PLEKHH2: variants seen among roughly 807,000 people sequenced by gnomAD.
The protein encoded by PLEKHH2 is pleckstrin homology domain-containing family H member 2.
In PLEKHH2, 129 loss-of-function variants were observed where a neutral mutation model predicts 187.9. The observed-to-expected ratio is 0.69, with a 90% CI of 0.59 to 0.79. PLEKHH2 has a LOEUF of 0.79. PLEKHH2 is among the 30% of genes least tolerant of loss of function. The pLI is 0.00. For synonymous variants in PLEKHH2, 686 were observed against 605.6 expected (o/e 1.13, Z -1.95); for missense variants, 2,076 against 1,751.2 (o/e 1.19, Z -3.31).
intron 16 of PLEKHH2, 41 bp downstream of exon 16, chr2:43,720,790 T>G: frequency 1.3e-6 from 2 of 1,581,448 alleles, no homozygotes; most frequent in Non-Finnish European, 1.7e-6. Flanking sequence ...AGTAACTTTT[T>G]GTGTGTTAGG....
In PLEKHH2 at chr2:43,686,408, G is replaced by A. The variant is rs186707567; in HGVS notation, c.187-6106G>A. On this transcript the variant is annotated intron_variant, in intron 3 of 29. Transcript: ENST00000282406. ...GACGGTGTTTCATCATGTTGGTCAG[G>A]CTGGTCTCAAACTCCTGACCTCAGG... Among the ~76,000 whole-genome samples the A allele has an allele frequency of 1.7e-3, 266 of 152,308 alleles. 1 individual carries two copies. Among genetic ancestry groups the A allele is most frequent in the African/African-American group, 6.1e-3 (252 of 41,572 alleles).
chr2:43,707,627 A>T, intron 11 of PLEKHH2, 82 bp downstream of exon 11: 1 of 1,509,298 alleles, frequency 6.6e-7, no homozygotes, highest in Non-Finnish European at 9.0e-7. Context: ...TTACAGGATT[A>T]TTTTTTAAAT....
chr2:43,679,812 T>G (rs1274217373), intron 3 of PLEKHH2, among the ~76,000 whole-genome samples: 1 of 152,076 alleles, frequency 6.6e-6, no homozygotes. Context: ...ATACTTTGAG[T>G]TTTTTAATAT....
intron 2 of PLEKHH2, among the ~76,000 whole-genome samples, chr2:43,678,491 C>T (rs1009241277): frequency 6.6e-6 from 1 of 152,186 alleles, no homozygotes; most frequent in African/African-American, 2.4e-5. Flanking sequence ...GCAGATCACT[C>T]GCGGTTAGGA....
chr2:43,676,333 T>C (rs888660301), intron 2 of PLEKHH2: 5 of 1,587,026 alleles, frequency 3.2e-6, no homozygotes, highest in Non-Finnish European at 4.3e-6. Flanking sequence ...TTTCCAGGCG[T>C]TAGGACAGTG....
At chr2:43,751,821 C>T (rs1376877364) in intron 24 of PLEKHH2, among the ~76,000 whole-genome samples, 1 of 150,272 alleles carries the variant, frequency 6.7e-6, no homozygotes, top group Non-Finnish European at 1.5e-5. Context: ...ATTTTTGTTC[C>T]TCTTCAAATT....
chr2:43,739,644 T>A (rs1472766903), intron 20 of PLEKHH2, among the ~76,000 whole-genome samples: 1 of 152,250 alleles, frequency 6.6e-6, no homozygotes, highest in Non-Finnish European at 1.5e-5. Context: ...CAAGAGGGAA[T>A]CTGAAGCTTA....
intron 3 of PLEKHH2, among the ~76,000 whole-genome samples, chr2:43,684,821 A>AG (rs1457886141): frequency 1.5e-3 from 225 of 145,264 alleles, no homozygotes; most frequent in African/African-American, 5.5e-3. Context: ...CCCATTACCA[A>AG]AAAAAAAAAA....
chr2:43,718,871 G>A (rs1197890397), intron 15 of PLEKHH2, among the ~76,000 whole-genome samples: 2 of 152,066 alleles, frequency 1.3e-5, no homozygotes, highest in African/African-American at 2.4e-5. Flanking sequence ...GACATTTTTT[G>A]TTTTCTCTCA....
chr2:43,757,231 G>T lies in PLEKHH2; in HGVS notation c.3908G>T (p.Arg1303Met). The change falls in exon 26 of 30, where the codon AGG (arginine) becomes ATG (methionine). Residue 1303 changes from arginine to methionine, a missense_variant. Arg to Met is a moderately conservative substitution (Grantham distance 91). Coordinates refer to ENST00000282406, the MANE Select transcript of PLEKHH2 (RefSeq NM_172069.4). ...GTCATAGAGAAATTTTATCCTAAAA[G>T]GTATAGAGATGGCTGTTCTGAAGAG... ...KQVIEKFYPKRYRDGCSEEQL... is the reference protein window; with the variant it reads ...KQVIEKFYPKMYRDGCSEEQL... 1 of 1,595,038 alleles carries T rather than the reference G, an allele frequency of 6.3e-7. No individual in the cohort carries two copies. Among genetic ancestry groups the T allele is most frequent in the Non-Finnish European group, 8.5e-7 (1 of 1,172,500 alleles).
At chr2:43,731,720 A>G (rs1340264858) in intron 19 of PLEKHH2, 118 bp downstream of exon 19, 1 of 633,516 alleles carries the variant, frequency 1.6e-6, no homozygotes, top group African/African-American at 1.9e-5. Flanking sequence ...AAGAAAATTC[A>G]AAATGTGTTT....
intron 1 of PLEKHH2, among the ~76,000 whole-genome samples, chr2:43,639,349 C>T (rs906787829): frequency 6.6e-6 from 1 of 152,074 alleles, no homozygotes; most frequent in East Asian, 1.9e-4. Flanking sequence ...GGTTGTATAG[C>T]CATCACCAAT....
chr2:43,666,210 G>A (rs12990958), intron 2 of PLEKHH2, among the ~76,000 whole-genome samples: 4 of 150,164 alleles, frequency 2.7e-5, no homozygotes, highest in Admixed American at 6.6e-5. Context: ...GAAAAGCGCA[G>A]TATTCGGGTG....
chr2:43,740,810 A>G (rs921938163), intron 20 of PLEKHH2, 136 bp from the exon 21 acceptor site: 12 of 1,381,562 alleles, frequency 8.7e-6, no homozygotes, highest in Middle Eastern at 5.5e-4. Flanking sequence ...TAAATGCTGT[A>G]AACAGATCAT....
At chr2:43,689,020 A>G (rs1668664125) in intron 3 of PLEKHH2, among the ~76,000 whole-genome samples, 1 of 152,154 alleles carries the variant, frequency 6.6e-6, no homozygotes, top group African/African-American at 2.4e-5. Flanking sequence ...AAAAACAGGC[A>G]CTCACCATAA....
chr2:43,689,576 C>G (rs1036492714), intron 3 of PLEKHH2, among the ~76,000 whole-genome samples: 1 of 152,112 alleles, frequency 6.6e-6, no homozygotes, highest in South Asian at 2.1e-4. Context: ...TTCTGTAGAC[C>G]TCTTATTCAT....
chr2:43,681,278 C>T, intron 3 of PLEKHH2: 3 of 700,802 alleles, frequency 4.3e-6, no homozygotes, highest in Admixed American at 2.6e-5. Context: ...CAGGGTGATG[C>T]CATGCTGGCT....
chr2:43,733,236 G>A lies in PLEKHH2; in HGVS notation c.2943+1634G>A, dbSNP rs574479493. Among the ~76,000 whole-genome samples the A allele has an allele frequency of 1.3e-5, 2 of 151,890 alleles. 1 individual carries two copies. Among genetic ancestry groups the A allele is most frequent in the African/African-American group, 4.8e-5 (2 of 41,446 alleles). On this transcript the variant is annotated intron_variant, in intron 19 of 29. Transcript: ENST00000282406. The stretch of plus-strand genomic sequence containing the variant: ...AAATTAGCCGAGTGTGATGGCATGC[G>A]CCTATAGTCCCAGCTACTTGGGAGG...
At position 43,720,680 on chromosome 2, in the gene PLEKHH2, A is replaced by C; in HGVS notation, c.2472A>C (p.Gly824=). ...AAATATGGTTTCAGGTAAAACATGG[A>C]TATTCCAAGAGAGTCTGGTGTACAC... ...MKGLLTKVKH[G]YSKRVWCTLI... The change falls in exon 16 of 30, where the codon GGA becomes GGC. Residue 824 remains glycine, a synonymous_variant. Coordinates refer to ENST00000282406, the MANE Select transcript of PLEKHH2 (RefSeq NM_172069.4). 1.2e-6 allele frequency: 2 copies of C among 1,606,402 alleles called. No individual in the cohort carries two copies. Among genetic ancestry groups the C allele is most frequent in the Non-Finnish European group, 1.7e-6 (2 of 1,178,000 alleles).
Sources: allele counts gnomAD v4.1 joint callset (sites outside exome capture counted in the v4.1 genomes callset), GRCh38; gene constraint gnomAD v4.1.1; transcripts MANE v1.5; gene names NCBI Gene and HGNC (gene_info 2026-07-23, HGNC 2026-07-21).